SLC24A2: variants seen among roughly 807,000 people sequenced by gnomAD.
SLC24A2 encodes solute carrier family 24 member 2, also known as sodium/potassium/calcium exchanger 2.
SLC24A2 carries 36 observed loss-of-function variants against 62.0 expected under a neutral mutation model. The ratio of observed to expected loss-of-function variants is 0.58; its 90% CI spans 0.44 to 0.77. SLC24A2 has a LOEUF of 0.77. Among genes scored for constraint, SLC24A2 ranks in the 30% least tolerant of loss-of-function variants. The pLI is 0.00. For synonymous variants in SLC24A2, 358 were observed against 294.0 expected (o/e 1.22, Z -2.23); for missense variants, 846 against 817.9 (o/e 1.03, Z -0.42).
intron 9 of SLC24A2, among the ~76,000 whole-genome samples, chr9:19,521,365 A>AT: frequency 1.3e-5 from 2 of 152,300 alleles, no homozygotes; most frequent in East Asian, 3.9e-4. Flanking sequence ...AAGCTGCAGG[A>AT]TTAGAGGTAG....
the SLC24A2 span, among the ~76,000 whole-genome samples, chr9:20,038,397 T>C: frequency 6.6e-6 from 1 of 152,214 alleles, no homozygotes; most frequent in Non-Finnish European, 1.5e-5. Flanking sequence ...AATACCCCAG[T>C]AAGGACCTTG....
At chr9:19,609,548 T>C (rs1837086429) in intron 4 of SLC24A2, among the ~76,000 whole-genome samples, 1 of 152,276 alleles carries the variant, frequency 6.6e-6, no homozygotes, top group African/African-American at 2.4e-5. Context: ...GACATCTTTA[T>C]AATAGCATTT....
At chr9:19,712,816 C>T (rs553764837) in intron 2 of SLC24A2, among the ~76,000 whole-genome samples, 66 of 152,138 alleles carry the variant, frequency 4.3e-4, no homozygotes, top group Non-Finnish European at 8.5e-4. Context: ...GCTACAGGGA[C>T]CTGCCCTCTG....
Position 19,577,848 on chromosome 9 carries a change from T to C in SLC24A2, c.1130-826A>G, listed in dbSNP as rs561062951. 2.0e-3 allele frequency among the ~76,000 whole-genome samples: 294 copies of C among 148,202 alleles called. 1 individual carries two copies. Among genetic ancestry groups the C allele is most frequent in the African/African-American group, 6.9e-3 (282 of 40,780 alleles). On this transcript the variant is annotated intron_variant, in intron 5 of 10. Transcript: ENST00000341998. ...TATATATATTATATATAGTTATATA[T>C]ATAAAATATATATATAAAAATATTC...
chr9:19,942,354 T>C, the SLC24A2 span, among the ~76,000 whole-genome samples: 2 of 152,202 alleles, frequency 1.3e-5, no homozygotes, highest in African/African-American at 4.8e-5. Flanking sequence ...ATTTTACAGA[T>C]GAGGAAACTG....
the SLC24A2 span, among the ~76,000 whole-genome samples, chr9:19,901,295 G>T: frequency 2.6e-5 from 4 of 152,076 alleles, no homozygotes; most frequent in African/African-American, 7.3e-5. Context: ...AGGACTCAGG[G>T]GATGCTGTAC....
chr9:20,166,768 C>T, the SLC24A2 span, among the ~76,000 whole-genome samples: 1 of 151,764 alleles, frequency 6.6e-6, no homozygotes, highest in Non-Finnish European at 1.5e-5. Flanking sequence ...TGTTACTGTC[C>T]TTCATATTAA....
the SLC24A2 span, among the ~76,000 whole-genome samples, chr9:20,115,112 G>C: frequency 6.6e-6 from 1 of 152,096 alleles, no homozygotes; most frequent in Non-Finnish European, 1.5e-5. Flanking sequence ...ACAATAGCCT[G>C]GGACAAAGTT....
chr9:19,674,925 A>G (rs1819519980), intron 2 of SLC24A2, among the ~76,000 whole-genome samples: 1 of 152,188 alleles, frequency 6.6e-6, no homozygotes, highest in Non-Finnish European at 1.5e-5. Flanking sequence ...GGAGTGTTAA[A>G]GAACCTTGTT....
At chr9:19,851,700 TACC>T in the SLC24A2 span, among the ~76,000 whole-genome samples, 1 of 152,234 alleles carries the variant, frequency 6.6e-6, no homozygotes, top group Non-Finnish European at 1.5e-5. Context: ...GGTGTGTATG[TACC>T]ACATTTTTAA....
chr9:20,018,974 G>A, the SLC24A2 span, among the ~76,000 whole-genome samples: 1 of 151,740 alleles, frequency 6.6e-6, no homozygotes, highest in East Asian at 1.9e-4. Context: ...TGAGGTAGGA[G>A]GAGCATTTGA....
the SLC24A2 span, among the ~76,000 whole-genome samples, chr9:19,990,159 A>T: frequency 6.6e-6 from 1 of 152,142 alleles, no homozygotes; most frequent in African/African-American, 2.4e-5. Context: ...ATCCTGTAAA[A>T]TTTGTAACAT....
chr9:20,259,261 A>G, the SLC24A2 span, among the ~76,000 whole-genome samples: 1 of 152,226 alleles, frequency 6.6e-6, no homozygotes, highest in Non-Finnish European at 1.5e-5. Flanking sequence ...CCAGAATTGT[A>G]AGATTAAAAG....
At chr9:19,833,296 G>T in the SLC24A2 span, among the ~76,000 whole-genome samples, 22 of 152,286 alleles carry the variant, frequency 1.4e-4, no homozygotes, top group African/African-American at 4.8e-4. Flanking sequence ...CACACGTGAC[G>T]TGCAAGGGGT....
chr9:19,527,943 C>T (rs918076695), intron 9 of SLC24A2, 106 bp downstream of exon 9: 9 of 751,984 alleles, frequency 1.2e-5, no homozygotes, highest in Admixed American at 8.0e-5. Context: ...CTGTGTCACA[C>T]CCAATACTGT....
At chr9:20,286,135 A>G in the SLC24A2 span, among the ~76,000 whole-genome samples, 5 of 152,178 alleles carry the variant, frequency 3.3e-5, no homozygotes, top group Non-Finnish European at 5.9e-5. Flanking sequence ...TTTTTCACCC[A>G]CTGCTCTCAT....
chr9:19,546,461 C>A (rs567004113), intron 8 of SLC24A2, among the ~76,000 whole-genome samples: 162 of 152,264 alleles, frequency 1.1e-3, no homozygotes, highest in African/African-American at 3.5e-3. Context: ...CCAGTTTGAA[C>A]TTCCCGGTGG....
chr9:19,831,539 A>G, the SLC24A2 span, among the ~76,000 whole-genome samples: 30 of 152,342 alleles, frequency 2.0e-4, no homozygotes, highest in African/African-American at 5.3e-4. Context: ...TTGAAATCAA[A>G]TCAGTTCAAA....
chr9:19,781,365 T>A (rs1256358993), intron 2 of SLC24A2, among the ~76,000 whole-genome samples: 1 of 148,440 alleles, frequency 6.7e-6, no homozygotes, highest in Non-Finnish European at 1.5e-5. Flanking sequence ...AAGAGAGGAA[T>A]AGATGAAGTA....
Sources: gnomAD v4.1 joint callset for allele counts (sites outside exome capture counted in the v4.1 genomes callset) on GRCh38, gnomAD v4.1.1 for gene constraint, MANE v1.5 for transcripts, NCBI Gene and HGNC (gene_info 2026-07-23, HGNC 2026-07-21) for gene names.